SLC4A1AP: variants seen among roughly 807,000 people sequenced by gnomAD.
The protein encoded by SLC4A1AP is kanadaptin.
A neutral mutation model predicts 89.7 loss-of-function variants in SLC4A1AP; 64 were observed. The observed-to-expected ratio is 0.71, with a 90% CI of 0.58 to 0.88. The LOEUF (loss-of-function observed/expected upper bound fraction) is 0.88. Among genes scored for constraint, SLC4A1AP ranks in the 40% least tolerant of loss-of-function variants. The pLI is 0.00. For synonymous variants in SLC4A1AP, 366 were observed against 353.3 expected (o/e 1.04, Z -0.40); for missense variants, 931 against 965.0 (o/e 0.96, Z 0.47).
chr2:27,678,676 A>G (rs1675563000), intron 8 of SLC4A1AP, among the ~76,000 whole-genome samples: 1 of 152,142 alleles, frequency 6.6e-6, no homozygotes, highest in Non-Finnish European at 1.5e-5. Flanking sequence ...AAAGATGCTC[A>G]ACTTCATGAT....
intron 9 of SLC4A1AP, among the ~76,000 whole-genome samples, chr2:27,682,674 TCCA>T (rs1467975965): frequency 6.6e-6 from 1 of 151,794 alleles, no homozygotes; most frequent in Non-Finnish European, 1.5e-5. Flanking sequence ...ACAGGCGTGC[TCCA>T]CCATGCCCAG....
exon 2 of SLC4A1AP, chr2:27,665,177 A>G (rs1274472450): frequency 1.2e-6 from 2 of 1,613,902 alleles, no homozygotes; most frequent in African/African-American, 2.7e-5. Context: ...AGCAGCAAAT[A>G]TTGTTGGAGA....
intron 7 of SLC4A1AP, among the ~76,000 whole-genome samples, 187 bp downstream of exon 7, chr2:27,677,551 G>A (rs1675544379): frequency 1.3e-5 from 2 of 152,138 alleles, no homozygotes; most frequent in Admixed American, 1.3e-4. Context: ...AATTGTTGAG[G>A]GGAATGAAGC....
chr2:27,681,509 G>A (rs557610800), intron 8 of SLC4A1AP, among the ~76,000 whole-genome samples: 1 of 152,202 alleles, frequency 6.6e-6, no homozygotes, highest in Admixed American at 6.5e-5. Flanking sequence ...TTTCTTTTCA[G>A]TCTAGTATGC....
At chr2:27,664,427 C>G in exon 1 of SLC4A1AP, 2 of 1,614,226 alleles carry the variant, frequency 1.2e-6, no homozygotes, top group Non-Finnish European at 1.7e-6. Flanking sequence ...GAGAATGCGA[C>G]AGCAACGGGC....
At chr2:27,687,805 T>C in intron 10 of SLC4A1AP, 129 bp from the exon 11 acceptor site, 1 of 639,258 alleles carries the variant, frequency 1.6e-6, no homozygotes, top group Non-Finnish European at 2.7e-6. Context: ...TAAGATTAGT[T>C]GAAGCTGATG....
chr2:27,693,119 T>TA (rs1675815217), intron 12 of SLC4A1AP: 1 of 152,064 alleles, frequency 6.6e-6, no homozygotes, highest in South Asian at 2.1e-4. Context: ...GTATTTTTAG[T>TA]AGAGATTTTG....
At chr2:27,684,124 C>T (rs553703797) in intron 9 of SLC4A1AP, among the ~76,000 whole-genome samples, 2 of 152,010 alleles carry the variant, frequency 1.3e-5, no homozygotes, top group East Asian at 3.9e-4. Context: ...GAACTAAGTC[C>T]TATATTTAAA....
exon 1 of SLC4A1AP, chr2:27,664,204 C>G: frequency 6.2e-7 from 1 of 1,614,132 alleles, no homozygotes; most frequent in Non-Finnish European, 8.5e-7. Flanking sequence ...CCAGCCCGGG[C>G]TCCCCCCTAC....
At chr2:27,688,659 T>C in intron 11 of SLC4A1AP, 41 bp from the exon 12 acceptor site, 2 of 1,386,230 alleles carry the variant, frequency 1.4e-6, no homozygotes, top group Non-Finnish European at 2.0e-6. Flanking sequence ...ATTTTACTTA[T>C]ACTGAAAATA....
chr2:27,692,759 T>TC (rs1331114244), intron 12 of SLC4A1AP: 1 of 152,180 alleles, frequency 6.6e-6, no homozygotes, highest in African/African-American at 2.4e-5. Context: ...TGTCTTTTTT[T>TC]CAGTGTTGTT....
exon 11 of SLC4A1AP, chr2:27,687,957 G>A: frequency 1.2e-6 from 2 of 1,613,472 alleles, no homozygotes; most frequent in Admixed American, 1.7e-5. Flanking sequence ...ACTTAGCGAG[G>A]AAGAACAGAA....
chr2:27,669,212 T>C (rs767281969), intron 4 of SLC4A1AP, 36 bp from the exon 5 acceptor site: 1 of 1,571,280 alleles, frequency 6.4e-7, no homozygotes, highest in Non-Finnish European at 8.6e-7. Flanking sequence ...AATTGGAGCT[T>C]AATGCTGTGC....
chr2:27,674,713 A>ATTTT (rs71401579), intron 5 of SLC4A1AP, among the ~76,000 whole-genome samples: 1 of 118,106 alleles, frequency 8.5e-6, no homozygotes, highest in African/African-American at 3.1e-5. Context: ...TTCCTCATTG[A>ATTTT]TTTTTTTTTT....
chr2:27,693,856 G>A, intron 13 of SLC4A1AP, 102 bp downstream of exon 13: 4 of 825,404 alleles, frequency 4.8e-6, no homozygotes, highest in Non-Finnish European at 5.5e-6. Flanking sequence ...ACAAGAGTAT[G>A]TAGTGATAAT....
Position 27,694,612 on chromosome 2 carries a change from CTT to C in SLC4A1AP, c.2342-16_2342-15del. On this transcript the variant is annotated intron_variant, in intron 13 of 13. Coordinates refer to ENST00000613058, the Ensembl canonical transcript of SLC4A1AP. ...CTTTGGAAGAGTAAATAATGTATTT[CTT>C]TTTTTATATTCTGATCTAGGTCAAA... 6.5e-7 allele frequency: 1 copy of C among 1,527,636 alleles called. No individual in the cohort carries two copies. The highest frequency in any genetic ancestry group is 1.4e-5 in the African/African-American group (1 of 73,458). The allele number at this position is 1,527,636 out of a possible 1,614,324, so 94.6% of individuals were successfully genotyped here.
Position 27,670,583 on chromosome 2 carries a change from G to A in SLC4A1AP, c.1345+1196G>A, listed in dbSNP as rs1383685304. On this transcript the variant is annotated intron_variant, in intron 5 of 13. Transcript: ENST00000613058. ...AAACACCTGTATTTCTTGGCCGGGC[G>A]CGGTTGCTCACGCCTGTAATCCCAG... is the stretch of plus-strand genomic sequence containing the variant. 2.0e-5 allele frequency among the ~76,000 whole-genome samples: 3 copies of A among 151,668 alleles called. No homozygotes were observed. The East Asian group carries it at 5.9e-4, about 30-fold the overall frequency.
At chr2:27,688,626 T>C in intron 11 of SLC4A1AP, 74 bp from the exon 12 acceptor site, 1 of 945,508 alleles carries the variant, frequency 1.1e-6, no homozygotes, top group Non-Finnish European at 1.6e-6. Flanking sequence ...GTAATGTTCT[T>C]TTAGGAAGAA....
chr2:27,671,345 A>G (rs1308660885), intron 5 of SLC4A1AP, among the ~76,000 whole-genome samples: 1 of 152,206 alleles, frequency 6.6e-6, no homozygotes, highest in African/African-American at 2.4e-5. Context: ...TTATGCAAAT[A>G]TTAGTTATAA....
Sources: gnomAD v4.1 joint callset for allele counts (sites outside exome capture counted in the v4.1 genomes callset) on GRCh38, gnomAD v4.1.1 for gene constraint, MANE v1.5 for transcripts, NCBI Gene and HGNC (gene_info 2026-07-23, HGNC 2026-07-21) for gene names.